RGS6: variants seen among roughly 807,000 people sequenced by gnomAD.
The protein encoded by RGS6 is regulator of G protein signaling 6, also known as regulator of G-protein signaling 6.
A neutral mutation model predicts 78.5 loss-of-function variants in RGS6; 30 were observed. The observed-to-expected ratio is 0.38, with a 90% CI of 0.29 to 0.52. The LOEUF is 0.52. Among genes scored for constraint, RGS6 ranks in the 20% least tolerant of loss-of-function variants. RGS6 has a pLI of 0.85. For missense variants in RGS6, 495 were observed against 609.7 expected, an observed-to-expected ratio of 0.81 and a Z score of 1.98; for synonymous variants, 206 against 206.0, an observed-to-expected ratio of 1.00 and a Z score of 0.00.
intron 3 of RGS6, among the ~76,000 whole-genome samples, chr14:72,450,968 A>T (rs2153225329): frequency 6.6e-6 from 1 of 152,238 alleles, no homozygotes; most frequent in South Asian, 2.1e-4. Flanking sequence ...ACACACAATG[A>T]TTTACTCCCT....
intron 2 of RGS6, among the ~76,000 whole-genome samples, chr14:72,096,590 A>G (rs1209956306): frequency 6.6e-6 from 1 of 152,022 alleles, no homozygotes; most frequent in Non-Finnish European, 1.5e-5. Flanking sequence ...GGGTTGACTG[A>G]GCTCAGCCGG....
chr14:72,183,980 G>T (rs896956746), intron 2 of RGS6, among the ~76,000 whole-genome samples: 1 of 152,174 alleles, frequency 6.6e-6, no homozygotes, highest in Non-Finnish European at 1.5e-5. Flanking sequence ...TTTACCATCA[G>T]TCTCCACATT....
Position 72,164,627 on chromosome 14 carries a change from T to TG in RGS6, c.85-187467dup, listed in dbSNP as rs2096899910. On this transcript the variant is annotated intron_variant, in intron 2 of 17. Transcript: ENST00000553525. The stretch of plus-strand genomic sequence containing the variant: ...TAACAGCAAGAAGCTCAGACAACTA[T>TG]GAAGTGGCAGGGTGCAGTTATGTGA... 5.9e-5 allele frequency among the ~76,000 whole-genome samples: 9 copies of TG among 152,204 alleles called. 2 individuals carry two copies. The South Asian group carries it at 1.9e-3, about 32-fold the overall frequency.
intron 1 of RGS6, among the ~76,000 whole-genome samples, chr14:71,954,814 T>G (rs1307873259): frequency 6.6e-6 from 1 of 152,244 alleles, no homozygotes; most frequent in Non-Finnish European, 1.5e-5. Context: ...TACCATTTAC[T>G]TTCTCCATTA....
chr14:72,422,473 A>G (rs972953045), intron 3 of RGS6, among the ~76,000 whole-genome samples: 2 of 152,214 alleles, frequency 1.3e-5, no homozygotes, highest in African/African-American at 2.4e-5. Context: ...ATCTAGAGAA[A>G]TAAGTCCAAA....
Position 72,454,574 on chromosome 14 carries a change from C to A in RGS6, c.231C>A (p.Asp77Glu). 1 of 1,613,806 alleles carries A rather than the reference C, an allele frequency of 6.2e-7. No individual in the cohort carries two copies. The highest frequency in any genetic ancestry group is 1.1e-5 in the South Asian group (1 of 91,062). The change falls in exon 4 of 18, where the codon GAC (aspartate) becomes GAA (glutamate). Residue 77 changes from aspartate to glutamate, a missense_variant. By Grantham distance (45) the Asp-to-Glu change is conservative (BLOSUM62 2). Coordinates refer to ENST00000553525, the MANE Select transcript of RGS6 (RefSeq NM_001204424.2). ...QWLMKNLSIE[D>E]PVEAIHLGSL... The stretch of plus-strand genomic sequence containing the variant: ...TTATGAAGAACCTTTCCATTGAGGA[C>A]CCAGGTACTTGACCTTTGACCCCAC...
At chr14:71,974,572 C>T (rs946942653) in intron 2 of RGS6, among the ~76,000 whole-genome samples, 2 of 152,134 alleles carry the variant, frequency 1.3e-5, no homozygotes, top group African/African-American at 4.8e-5. Context: ...TTCTGGTCAA[C>T]CTAATAATTG....
intron 2 of RGS6, among the ~76,000 whole-genome samples, chr14:72,176,308 G>A (rs973063739): frequency 2.6e-5 from 4 of 152,288 alleles, no homozygotes; most frequent in African/African-American, 9.6e-5. Context: ...AGATGACATG[G>A]GGCATACTTC....
chr14:72,421,094 T>A (rs901034283), intron 3 of RGS6: 6 of 152,134 alleles, frequency 3.9e-5, no homozygotes, highest in African/African-American at 1.4e-4. Context: ...CTAGATTTTT[T>A]TTTTTTTTGT....
the RGS6 span, among the ~76,000 whole-genome samples, chr14:71,887,210 T>C: frequency 6.6e-6 from 1 of 152,250 alleles, no homozygotes; most frequent in Non-Finnish European, 1.5e-5. Flanking sequence ...AATCCTGTTA[T>C]CTTTGTAAGC....
intron 2 of RGS6, among the ~76,000 whole-genome samples, chr14:72,295,435 G>A (rs2064607136): frequency 6.6e-6 from 1 of 152,132 alleles, no homozygotes; most frequent in South Asian, 2.1e-4. Flanking sequence ...CCCAGATCCG[G>A]CTGGCCCAGA....
chr14:72,332,455 T>C (rs2075258815), intron 2 of RGS6, among the ~76,000 whole-genome samples: 1 of 152,126 alleles, frequency 6.6e-6, no homozygotes, highest in Admixed American at 6.5e-5. Flanking sequence ...GATCAAAACA[T>C]CACTTTTGTC....
chr14:72,461,813 C>T (rs2095790096), intron 6 of RGS6, among the ~76,000 whole-genome samples: 1 of 152,192 alleles, frequency 6.6e-6, no homozygotes, highest in Admixed American at 6.5e-5. Flanking sequence ...GTTCCACTAG[C>T]TGGGTGATCT....
chr14:72,417,498 T>C (rs1158409747), intron 3 of RGS6, among the ~76,000 whole-genome samples: 1 of 152,100 alleles, frequency 6.6e-6, no homozygotes. Context: ...TTCCCCCAGA[T>C]AGTGGGGAGC....
rs369612105 is a variant in RGS6 at position 72,548,327 on chromosome 14, TTGTGTGTGTGTGTGTGCGCGCGTG to T, written c.1422+8250_1422+8273del. Among the ~76,000 whole-genome samples, 1,310 of 147,254 alleles carry T rather than the reference TTGTGTGTGTGTGTGTGCGCGCGTG, an allele frequency of 8.9e-3. 15 individuals carry two copies. Among genetic ancestry groups the T allele is most frequent in the African/African-American group, 0.031 (1,213 of 39,534 alleles). ...CAGATAGCATTTTACCAGATCATAT[TTGTGTGTGTGTGTGTGCGCGCGTG>T]TGTGTGTGTGTGTGTGTGTGTTTTA... On this transcript the variant is annotated intron_variant, in intron 17 of 17. Coordinates refer to ENST00000553525, the MANE Select transcript of RGS6 (RefSeq NM_001204424.2).
At chr14:72,080,560 G>T (rs1393003867) in intron 2 of RGS6, among the ~76,000 whole-genome samples, 4 of 151,988 alleles carry the variant, frequency 2.6e-5, no homozygotes, top group African/African-American at 4.8e-5. Flanking sequence ...TTTGTTGCCT[G>T]TGCTTTTAGA....
At chr14:72,081,071 A>G (rs2094802017) in intron 2 of RGS6, among the ~76,000 whole-genome samples, 1 of 152,004 alleles carries the variant, frequency 6.6e-6, no homozygotes, top group African/African-American at 2.4e-5. Context: ...TGGAATTTTG[A>G]TAAAGACTTT....
At chr14:71,946,552 CAAATG>C (rs1413526353) in intron 1 of RGS6, among the ~76,000 whole-genome samples, 2 of 152,032 alleles carry the variant, frequency 1.3e-5, no homozygotes, top group African/African-American at 2.4e-5. Context: ...AGAAGGAAAA[CAAATG>C]GAGAGACGGA....
chr14:72,223,739 G>C (rs1476994979), intron 2 of RGS6, among the ~76,000 whole-genome samples: 1 of 152,216 alleles, frequency 6.6e-6, no homozygotes, highest in Non-Finnish European at 1.5e-5. Context: ...TGATCCAGAA[G>C]GGGGTTTTTG....
Sources: allele counts gnomAD v4.1 joint callset (sites outside exome capture counted in the v4.1 genomes callset), GRCh38; gene constraint gnomAD v4.1.1; transcripts MANE v1.5; gene names NCBI Gene and HGNC (gene_info 2026-07-23, HGNC 2026-07-21).